CHRM3: variants seen among roughly 807,000 people sequenced by gnomAD.
CHRM3 encodes the protein cholinergic receptor muscarinic 3.
In CHRM3, 11 loss-of-function variants were observed where a neutral mutation model predicts 41.8. That is an observed-to-expected ratio of 0.26 (90% CI 0.17 to 0.44). CHRM3 has a LOEUF of 0.44. CHRM3 is among the 20% of genes least tolerant of loss of function. The probability of loss-of-function intolerance (pLI) is 1.00; values close to 1 mark genes in which losing one functional copy is unlikely to be tolerated. For missense variants in CHRM3, 571 were observed against 745.4 expected (o/e 0.77, Z 2.72); for synonymous variants, 297 against 301.4 (o/e 0.99, Z 0.15).
intron 2 of CHRM3, among the ~76,000 whole-genome samples, chr1:239,516,824 C>T (rs564625097): frequency 2.0e-5 from 3 of 152,278 alleles, no homozygotes; most frequent in African/African-American, 7.2e-5. Flanking sequence ...TGCCTCCTGT[C>T]AGATCAACGG....
intron 6 of CHRM3, among the ~76,000 whole-genome samples, chr1:239,832,766 T>C (rs1314896917): frequency 6.6e-6 from 1 of 152,088 alleles, no homozygotes; most frequent in Non-Finnish European, 1.5e-5. Flanking sequence ...GGGTTTGTGA[T>C]AAAGGATTCA....
chr1:239,703,863 A>G (rs16838747), intron 5 of CHRM3: 279 of 144,272 alleles, frequency 1.9e-3, no homozygotes, highest in African/African-American at 6.8e-3. Flanking sequence ...AACTTCAACC[A>G]AATCATTAAA....
chr1:239,583,269 A>T (rs1468041556), intron 3 of CHRM3, among the ~76,000 whole-genome samples: 1 of 152,218 alleles, frequency 6.6e-6, no homozygotes, highest in East Asian at 1.9e-4. Flanking sequence ...CTTGTAGACA[A>T]CTTAATTACA....
chr1:239,788,148 A>C (rs1469900023), intron 5 of CHRM3, among the ~76,000 whole-genome samples: 2 of 152,038 alleles, frequency 1.3e-5, no homozygotes, highest in African/African-American at 4.8e-5. Context: ...AAGAGGGAGG[A>C]TCACTTGAGC....
At chr1:239,724,891 G>A (rs933888136) in intron 5 of CHRM3, among the ~76,000 whole-genome samples, 1 of 151,796 alleles carries the variant, frequency 6.6e-6, no homozygotes, top group Admixed American at 6.6e-5. Flanking sequence ...AGTTCAAGCG[G>A]TCCTCCTGCC....
chr1:239,463,268 AT>A (rs1665490240), intron 1 of CHRM3, among the ~76,000 whole-genome samples: 2 of 152,080 alleles, frequency 1.3e-5, no homozygotes, highest in African/African-American at 2.4e-5. Context: ...CAAGGTCAGA[AT>A]TTTTTGCTAG....
At chr1:239,857,359 A>T (rs1217125740) in intron 6 of CHRM3, among the ~76,000 whole-genome samples, 4 of 152,194 alleles carry the variant, frequency 2.6e-5, no homozygotes, top group Non-Finnish European at 5.9e-5. Context: ...ACTATCTAAA[A>T]CTAAGGAGCC....
chr1:239,713,912 C>A (rs1345309982), intron 5 of CHRM3, among the ~76,000 whole-genome samples: 2 of 152,078 alleles, frequency 1.3e-5, no homozygotes, highest in African/African-American at 4.8e-5. Flanking sequence ...AATGTATGTA[C>A]CTCTTTAAGG....
chr1:239,464,610 T>G (rs1432004296), intron 1 of CHRM3, among the ~76,000 whole-genome samples: 1 of 152,184 alleles, frequency 6.6e-6, no homozygotes, highest in Non-Finnish European at 1.5e-5. Context: ...TATTTGACAT[T>G]CTTCCCATGA....
intron 6 of CHRM3, among the ~76,000 whole-genome samples, chr1:239,860,829 C>T (rs1217113938): frequency 6.6e-6 from 1 of 152,136 alleles, no homozygotes; most frequent in African/African-American, 2.4e-5. Flanking sequence ...AGCTGAAATT[C>T]TTAGTGCCAA....
At chr1:239,511,944 C>G (rs1296829467) in intron 2 of CHRM3, among the ~76,000 whole-genome samples, 1 of 152,066 alleles carries the variant, frequency 6.6e-6, no homozygotes, top group African/African-American at 2.4e-5. Context: ...AAAGAGGAAT[C>G]TGGTAGGAAC....
chr1:239,635,734 A>T (rs1375479609), intron 4 of CHRM3, among the ~76,000 whole-genome samples: 2 of 152,206 alleles, frequency 1.3e-5, no homozygotes, highest in Non-Finnish European at 2.9e-5. Flanking sequence ...TCCCATTATA[A>T]TATCATCTAA....
chr1:239,408,958 T>G (rs1264218324), intron 1 of CHRM3, among the ~76,000 whole-genome samples: 1 of 152,170 alleles, frequency 6.6e-6, no homozygotes, highest in African/African-American at 2.4e-5. Context: ...GACACTTCAC[T>G]TTTTACATTA....
At chr1:239,611,670 T>C (rs543710869) in intron 3 of CHRM3, among the ~76,000 whole-genome samples, 84 of 151,948 alleles carry the variant, frequency 5.5e-4, no homozygotes, top group Non-Finnish European at 2.2e-4. Flanking sequence ...CCGCCCGCCT[T>C]GGCCTCCCAA....
At chr1:239,798,409 C>T (rs1308976812) in intron 5 of CHRM3, among the ~76,000 whole-genome samples, 1 of 152,118 alleles carries the variant, frequency 6.6e-6, no homozygotes, top group Non-Finnish European at 1.5e-5. Context: ...AGGTCTTCCT[C>T]CCATTCCAGA....
chr1:239,602,110 G>GTATATATA (rs1186014237), intron 3 of CHRM3, among the ~76,000 whole-genome samples: 57 of 112,838 alleles, frequency 5.1e-4, no homozygotes, highest in African/African-American at 1.8e-3. Context: ...GTGTGTGTGT[G>GTATATATA]TATATATATA....
At chr1:239,469,280 C>T (rs1425990420) in intron 1 of CHRM3, among the ~76,000 whole-genome samples, 1 of 152,112 alleles carries the variant, frequency 6.6e-6, no homozygotes, top group African/African-American at 2.4e-5. Context: ...TGTCTCTGTC[C>T]CCTCCTCCCA....
intron 6 of CHRM3, among the ~76,000 whole-genome samples, chr1:239,837,053 C>T (rs954437347): frequency 4.0e-5 from 6 of 151,830 alleles, no homozygotes; most frequent in Middle Eastern, 3.5e-3. Flanking sequence ...GCATCCTTTC[C>T]TATGATCAGT....
At chr1:239,550,066 G>C (rs904114517) in intron 3 of CHRM3, among the ~76,000 whole-genome samples, 17 of 151,902 alleles carry the variant, frequency 1.1e-4, no homozygotes, top group African/African-American at 3.9e-4. Context: ...AGAGGTTTAT[G>C]TGACCCTCTC....
Sources: gnomAD v4.1 joint callset for allele counts (sites outside exome capture counted in the v4.1 genomes callset) on GRCh38, gnomAD v4.1.1 for gene constraint, MANE v1.5 for transcripts, NCBI Gene and HGNC (gene_info 2026-07-23, HGNC 2026-07-21) for gene names.